Variants in MGMT observed in about 807,000 individuals in gnomAD.
MGMT encodes the protein methylated-DNA--protein-cysteine methyltransferase.
MGMT carries 14 observed loss-of-function variants against 15.9 expected under a neutral mutation model. That is an observed-to-expected ratio of 0.88 (90% CI 0.58 to 1.37). The LOEUF (loss-of-function observed/expected upper bound fraction) is 1.37, where lower values mean the gene tolerates loss of function less well. MGMT is among the 40% of genes most tolerant of loss of function. MGMT has a pLI of 0.00. For synonymous variants in MGMT, 130 were observed against 118.2 expected (o/e 1.10, Z -0.65); for missense variants, 282 against 268.1 (o/e 1.05, Z -0.36).
intron 2 of MGMT, among the ~76,000 whole-genome samples, chr10:129,606,515 G>A (rs1325185245): frequency 2.0e-5 from 3 of 152,188 alleles, no homozygotes; most frequent in Admixed American, 6.5e-5. Context: ...CGCACCCGGC[G>A]CTAGGCAGTA....
At chr10:129,647,467 T>C (rs1008982) in intron 2 of MGMT, among the ~76,000 whole-genome samples, 62,153 of 152,058 alleles carry the variant, frequency 0.41, 13,499 homozygotes, top group African/African-American at 0.54. Flanking sequence ...TCAGCAGCTT[T>C]CCCATCGAAG....
At chr10:129,565,611 C>T (rs1564854196) in intron 2 of MGMT, among the ~76,000 whole-genome samples, 1 of 152,150 alleles carries the variant, frequency 6.6e-6, no homozygotes, top group Non-Finnish European at 1.5e-5. Context: ...TCACTAATTA[C>T]ACGGTGTGTA....
chr10:129,528,704 C>T (rs1845897467), intron 1 of MGMT, among the ~76,000 whole-genome samples: 1 of 151,638 alleles, frequency 6.6e-6, no homozygotes, highest in South Asian at 2.1e-4. Flanking sequence ...GAGTAGCTCA[C>T]AGTGTTGGGC....
At chr10:129,571,482 G>C (rs1846419048) in intron 2 of MGMT, among the ~76,000 whole-genome samples, 2 of 152,196 alleles carry the variant, frequency 1.3e-5, no homozygotes, top group Admixed American at 1.3e-4. Flanking sequence ...GCTGTTTGAA[G>C]TATTGTATGT....
intron 2 of MGMT, among the ~76,000 whole-genome samples, chr10:129,559,020 G>A (rs145581609): frequency 2.6e-4 from 39 of 152,146 alleles, no homozygotes; most frequent in African/African-American, 9.4e-4. Context: ...GAGATGTTTT[G>A]TGCAGCAGCT....
At chr10:129,632,037 T>A (rs888853121) in intron 2 of MGMT, among the ~76,000 whole-genome samples, 1 of 152,110 alleles carries the variant, frequency 6.6e-6, no homozygotes, top group Non-Finnish European at 1.5e-5. Flanking sequence ...GCGCCCAGCT[T>A]TCTAGTTTGT....
intron 3 of MGMT, among the ~76,000 whole-genome samples, chr10:129,754,133 A>T (rs750820881): frequency 1.3e-5 from 2 of 151,922 alleles, no homozygotes; most frequent in Non-Finnish European, 1.5e-5. Context: ...ACACATGTGC[A>T]TAGGCGGGGA....
chr10:129,657,699 A>ACG (rs1554874783), intron 2 of MGMT, among the ~76,000 whole-genome samples: 34 of 124,908 alleles, frequency 2.7e-4, no homozygotes, highest in African/African-American at 8.6e-4. Flanking sequence ...ACACACACAC[A>ACG]CACACACGCA....
intron 1 of MGMT, among the ~76,000 whole-genome samples, chr10:129,471,208 G>A (rs953935497): frequency 1.3e-5 from 2 of 152,200 alleles, no homozygotes; most frequent in Non-Finnish European, 2.9e-5. Flanking sequence ...AGCACAGCGC[G>A]GGTGGCAGTT....
At chr10:129,483,879 A>T (rs1256613570) in intron 1 of MGMT, among the ~76,000 whole-genome samples, 1 of 152,088 alleles carries the variant, frequency 6.6e-6, no homozygotes, top group Non-Finnish European at 1.5e-5. Context: ...TAGGTAGATA[A>T]ATAGATATAT....
chr10:129,527,473 G>A (rs1845883692), intron 1 of MGMT, among the ~76,000 whole-genome samples: 3 of 152,196 alleles, frequency 2.0e-5, no homozygotes, highest in Admixed American at 2.0e-4. Context: ...TGTTCCCTGA[G>A]GTTCCAGTGG....
intron 2 of MGMT, among the ~76,000 whole-genome samples, chr10:129,623,396 T>A (rs575839966): frequency 6.6e-6 from 1 of 152,208 alleles, no homozygotes; most frequent in East Asian, 1.9e-4. Context: ...TGATGGAGTT[T>A]GGAGTTGGGG....
At chr10:129,729,575 G>C (rs1164502872) in intron 3 of MGMT, among the ~76,000 whole-genome samples, 4 of 152,178 alleles carry the variant, frequency 2.6e-5, no homozygotes, top group Non-Finnish European at 4.4e-5. Flanking sequence ...CCCGAGGCAG[G>C]GGCTCAATGT....
intron 1 of MGMT, among the ~76,000 whole-genome samples, chr10:129,510,682 G>A (rs1330051008): frequency 6.6e-6 from 1 of 152,158 alleles, no homozygotes; most frequent in Non-Finnish European, 1.5e-5. Context: ...ATAGATGATG[G>A]GTTCAGGTAC....
chr10:129,601,976 C>T (rs1846827702), intron 2 of MGMT, among the ~76,000 whole-genome samples: 2 of 152,152 alleles, frequency 1.3e-5, no homozygotes, highest in African/African-American at 2.4e-5. Flanking sequence ...CCTAGACTAA[C>T]AATTAATCAG....
chr10:129,540,051 G>A (rs180785483), intron 2 of MGMT, among the ~76,000 whole-genome samples: 2 of 152,302 alleles, frequency 1.3e-5, no homozygotes, highest in South Asian at 2.1e-4. Context: ...GTCTGCATTT[G>A]TTTGGGTTCT....
At chr10:129,604,871 T>G (rs982987233) in intron 2 of MGMT, among the ~76,000 whole-genome samples, 2 of 152,178 alleles carry the variant, frequency 1.3e-5, no homozygotes, top group Non-Finnish European at 2.9e-5. Context: ...TTTAGTCTGC[T>G]TCGGGCTGCG....
At chr10:129,644,212 C>A (rs1329407752) in intron 2 of MGMT, among the ~76,000 whole-genome samples, 1 of 152,198 alleles carries the variant, frequency 6.6e-6, no homozygotes. Flanking sequence ...CTGTCTTACT[C>A]CCGGTACACC....
chr10:129,710,891 A>G (rs79649853), intron 3 of MGMT, among the ~76,000 whole-genome samples: 1,989 of 152,286 alleles, frequency 0.013, 47 homozygotes, highest in African/African-American at 0.045. Flanking sequence ...TAATTTCTGT[A>G]TATGTTTAAC....
Sources: allele counts gnomAD v4.1 joint callset (sites outside exome capture counted in the v4.1 genomes callset), GRCh38; gene constraint gnomAD v4.1.1; transcripts MANE v1.5; gene names NCBI Gene and HGNC (gene_info 2026-07-23, HGNC 2026-07-21).